The following PIGG variants were observed in gnomAD, a reference collection of about 807,000 sequenced individuals.
The protein encoded by PIGG is phosphatidylinositol glycan anchor biosynthesis class G (EMM blood group), also known as GPI ethanolamine phosphate transferase 2, catalytic subunit.
A neutral mutation model predicts 83.2 loss-of-function variants in PIGG; 70 were observed. That is an observed-to-expected ratio of 0.84 (90% CI 0.69 to 1.03). The LOEUF is 1.03. Ranked by LOEUF, PIGG falls within the 50% of genes least tolerant of loss-of-function variation. The pLI, the probability that PIGG is intolerant of heterozygous loss-of-function variation, is 0.00. For synonymous variants in PIGG, 532 were observed against 519.5 expected (o/e 1.02, Z -0.33); for missense variants, 1,257 against 1,233.6 (o/e 1.02, Z -0.28).
At chr4:519,931 C>T (rs113977137) in intron 6 of PIGG, among the ~76,000 whole-genome samples, 1 of 141,460 alleles carries the variant, frequency 7.1e-6, no homozygotes. Context: ...GGCCTGCAGG[C>T]GTGTGGGTTC....
At position 515,546 on chromosome 4, in the gene PIGG, G is replaced by A. The variant is rs1029271501; in HGVS notation, c.902-427G>A. On this transcript the variant is annotated intron_variant, in intron 5 of 12. Coordinates refer to ENST00000453061, the MANE Select transcript of PIGG (RefSeq NM_001127178.3). The surrounding 1 kb of genome is among the most constrained non-coding windows in gnomAD (Gnocchi z 4.2). ...TCCATGAGCAACAGCATGTGTGCTCGTAGAGGGCAGAGCATGGGATGCTCC... is the reference window on the plus strand; with the variant it reads ...TCCATGAGCAACAGCATGTGTGCTCATAGAGGGCAGAGCATGGGATGCTCC... 6.6e-6 allele frequency among the ~76,000 whole-genome samples: 1 copy of A among 152,234 alleles called. No individual in the cohort carries two copies. The highest frequency in any genetic ancestry group is 2.4e-5 in the African/African-American group (1 of 41,452).
At chr4:504,770 A>G (rs1201909038) in intron 2 of PIGG, among the ~76,000 whole-genome samples, 1 of 152,136 alleles carries the variant, frequency 6.6e-6, no homozygotes, top group Non-Finnish European at 1.5e-5. Flanking sequence ...ACCCATTACC[A>G]TGGCCTCTTA....
chr4:530,454 TTTTG>T lies in PIGG; in HGVS notation c.2284_2287del (p.Val762MetfsTer30), dbSNP rs1553897486. 6.2e-7 allele frequency: 1 copy of T among 1,612,162 alleles called. No individual in the cohort carries two copies. The highest frequency in any genetic ancestry group is 8.5e-7 in the Non-Finnish European group (1 of 1,178,468). ...TTTTTAGGGGTATTATTGAAGCTCG[TTTTG>T]TTTATGTCTTTGTCCTTGGCATTCT... On this transcript the variant is annotated frameshift_variant, in exon 11 of 13. Coordinates refer to ENST00000453061, the MANE Select transcript of PIGG (RefSeq NM_001127178.3). LOFTEE classifies it high-confidence loss of function.
Position 533,874 on chromosome 4 carries a change from C to T in PIGG, c.2628C>T (p.Asp876=), listed in dbSNP as rs750272099. 3.9e-5 allele frequency: 63 copies of T among 1,614,036 alleles called. 2 individuals carry two copies. The South Asian group carries it at 6.6e-4, about 17-fold the overall frequency. The change falls in exon 12 of 13, where the codon GAC becomes GAT. Residue 876 remains aspartate (D), a synonymous_variant. Coordinates refer to ENST00000453061, the MANE Select transcript of PIGG (RefSeq NM_001127178.3). ...VDISAGFVGL[D]TYVEIPAVLL... is the part of the protein sequence containing the mutation. ...TCTCCGCAGGCTTCGTGGGCTTAGA[C>T]ACCTACGTGGAAATCCCAGCCGTGC... is the stretch of plus-strand genomic sequence containing the variant.
intron 6 of PIGG, among the ~76,000 whole-genome samples, chr4:519,253 C>G (rs1041224749): frequency 2.6e-5 from 4 of 152,206 alleles, no homozygotes; most frequent in Non-Finnish European, 5.9e-5. Context: ...GATCCAAGCC[C>G]CAGCAGGCAA....
At chr4:507,647 C>A in intron 4 of PIGG, 54 bp downstream of exon 4, 1 of 1,460,154 alleles carries the variant, frequency 6.8e-7, no homozygotes, top group Non-Finnish European at 9.3e-7. Context: ...TGGATGTTCC[C>A]TAGAATAAAT....
chr4:521,237 C>G lies in PIGG; in HGVS notation c.1296C>G (p.Ile432Met), dbSNP rs372138818. ...SLSAQVAQYD[I>M]YSMMVGTVVV... ...GTGCACAAGTGGCCCAGTACGACAT[C>G]TATTCGATGATGGTGGGGACTGTCG... is the stretch of plus-strand genomic sequence containing the variant. The change falls in exon 7 of 13, where the codon ATC (isoleucine) becomes ATG (methionine). Residue 432 changes from isoleucine (I) to methionine (M), a missense_variant. By Grantham distance (10) the Ile-to-Met change is conservative. Transcript: ENST00000453061. The G allele has an allele frequency of 1.2e-6, 2 of 1,614,058 alleles. No homozygotes were observed. Among genetic ancestry groups the G allele is most frequent in the Non-Finnish European group, 1.7e-6 (2 of 1,179,916 alleles).
chr4:507,559 T>C lies in PIGG; in HGVS notation c.725T>C (p.Val242Ala). 6.2e-7 allele frequency: 1 copy of C among 1,613,786 alleles called. No individual in the cohort carries two copies. The highest frequency in any genetic ancestry group is 8.5e-7 in the Non-Finnish European group (1 of 1,179,916). Residue 242 changes from valine (V) to alanine (A), a missense_variant, in exon 4 of 13, where the codon GTG (valine) becomes GCG (alanine). Coordinates refer to ENST00000453061, the MANE Select transcript of PIGG (RefSeq NM_001127178.3). ...CAGAAGCTGAGCGAGATGGACAGCG[T>C]GCTGATGAAGATCCACACCTCACTG... ...IGQKLSEMDS[V>A]LMKIHTSLQS...
intron 3 of PIGG, 57 bp from the exon 4 acceptor site, chr4:507,348 G>A (rs1298568243): frequency 5.9e-6 from 8 of 1,351,440 alleles, no homozygotes; most frequent in Non-Finnish European, 8.3e-6. Context: ...TTTCCCCGGG[G>A]AGTGAAGATC....
At chr4:522,041 C>T in intron 8 of PIGG, 100 bp downstream of exon 8, 10 of 1,318,220 alleles carry the variant, frequency 7.6e-6, no homozygotes, top group Non-Finnish European at 9.7e-6. Context: ...TGGTTGAACA[C>T]CTGGTGTGTG....
chr4:527,706 GC>G (rs1452269280), intron 10 of PIGG: 7 of 985,322 alleles, frequency 7.1e-6, no homozygotes, highest in Non-Finnish European at 7.2e-6. Context: ...TTTATAACGA[GC>G]CCCCGTAAGG....
rs781786642 is a variant in PIGG, at chr4:512,216, C to CTT, written c.901+3266_901+3267dup. On this transcript the variant is annotated intron_variant, in intron 5 of 12. Coordinates refer to ENST00000453061, the MANE Select transcript of PIGG (RefSeq NM_001127178.3). ...TGAATTTTCTGTTTCAGTTATCATA[C>CTT]TTTTTTTTTTTTTTTTTTTTTGAGA... Among the ~76,000 whole-genome samples the CTT allele has an allele frequency of 7.0e-4, 80 of 114,276 alleles. 1 individual carries two copies. Among genetic ancestry groups the CTT allele is most frequent in the Non-Finnish European group, 9.5e-4 (55 of 58,038 alleles). The allele number at this position is 114,276 out of a possible 152,430, so 75.0% of individuals were successfully genotyped here. A position where few individuals can be genotyped will look rare whatever the true frequency, so the allele number is the denominator to read the frequency against.
At position 527,149 on chromosome 4, in the gene PIGG, G is replaced by A. The variant is rs201842856; in HGVS notation, c.2180G>A (p.Gly727Glu). 1.1e-4 allele frequency: 175 copies of A among 1,613,936 alleles called. 1 individual carries two copies. The highest frequency in any genetic ancestry group is 1.4e-4 in the Non-Finnish European group (166 of 1,180,004). Residue 727 changes from glycine to glutamate, a missense_variant, in exon 10 of 13, where the codon GGG (glycine) becomes GAG (glutamate). Coordinates refer to ENST00000453061, the MANE Select transcript of PIGG (RefSeq NM_001127178.3). Reference protein sequence around the residue: ...SPVSKAALALGLLGVYCYRAA... With the variant: ...SPVSKAALALELLGVYCYRAA... The stretch of plus-strand genomic sequence containing the variant: ...GTGTCCAAGGCTGCCCTGGCGCTGG[G>A]GCTGCTGGGCGTCTACTGCTACCGG...
rs1180178591 is a variant in PIGG at position 528,725 on chromosome 4, A to G, written c.2261+1495A>G. On this transcript the variant is annotated intron_variant, in intron 10 of 12. Coordinates refer to ENST00000453061, the MANE Select transcript of PIGG (RefSeq NM_001127178.3). The surrounding 1 kb of genome is among the most constrained non-coding windows in gnomAD (Gnocchi z 4.8). ...AATAAATTCATTTCCTCACAGATCT[A>G]TACACTGAATTTCAGCATCACTCAT... is the stretch of plus-strand genomic sequence containing the variant. The G allele has an allele frequency of 1.0e-6, 1 of 985,238 alleles. No homozygotes were observed. Among genetic ancestry groups the G allele is most frequent in the Non-Finnish European group, 1.2e-6 (1 of 829,818 alleles). 61.0% of individuals were successfully genotyped at this position (985,238 alleles called of 1,614,324 possible).
At chr4:511,551 C>A (rs1721971215) in intron 5 of PIGG, among the ~76,000 whole-genome samples, 1 of 152,110 alleles carries the variant, frequency 6.6e-6, no homozygotes, top group South Asian at 2.1e-4. Context: ...CTGTTATTGT[C>A]AAATATGTTG....
Position 538,674 on chromosome 4 carries a change from ACT to A in PIGG, c.2736-477_2736-476del, listed in dbSNP as rs58299889. Reference sequence around the variant, plus strand: ...TCGGGCACCTCCGTGCCTTCTGGAGACTCAGACCTCTGCCCACCCCAGACCAA... The same window carrying A: ...TCGGGCACCTCCGTGCCTTCTGGAGACAGACCTCTGCCCACCCCAGACCAA... On this transcript the variant is annotated intron_variant, in intron 12 of 12. Coordinates refer to ENST00000453061, the MANE Select transcript of PIGG (RefSeq NM_001127178.3). Among the ~76,000 whole-genome samples the A allele has an allele frequency of 9.1e-3, 1,380 of 152,136 alleles. 25 individuals are homozygous for A. The highest frequency in any genetic ancestry group is 0.032 in the African/African-American group (1,315 of 41,478).
intron 5 of PIGG, among the ~76,000 whole-genome samples, chr4:511,344 A>G (rs1384166533): frequency 1.3e-5 from 2 of 151,868 alleles, no homozygotes; most frequent in Non-Finnish European, 2.9e-5. Flanking sequence ...TTGTTATTAA[A>G]TAGTCTTCCA....
At chr4:509,072 T>C in intron 5 of PIGG, 102 bp downstream of exon 5, 1 of 933,230 alleles carries the variant, frequency 1.1e-6, no homozygotes, top group Non-Finnish European at 1.6e-6. Flanking sequence ...TCCATAAGGT[T>C]GAAGTCCCCA....
Position 521,186 on chromosome 4 carries a change from T to G in PIGG, c.1245T>G (p.Ala415=), listed in dbSNP as rs1310185174. ...AGGTTCTCAGGCAGTACCTGGATGCTCTGAAGACGCTGAGCTTGTCCCTGA... is the reference window on the plus strand; with the variant it reads ...AGGTTCTCAGGCAGTACCTGGATGCGCTGAAGACGCTGAGCTTGTCCCTGA... ...GSKVLRQYLD[A]LKTLSLSLSA... is the part of the protein sequence containing the mutation. The change falls in exon 7 of 13, where the codon GCT becomes GCG. Residue 415 remains alanine, a synonymous_variant. Coordinates refer to ENST00000453061, the MANE Select transcript of PIGG (RefSeq NM_001127178.3). 6.2e-7 allele frequency: 1 copy of G among 1,614,022 alleles called. No individual in the cohort carries two copies. Among genetic ancestry groups the G allele is most frequent in the African/African-American group, 1.3e-5 (1 of 74,912 alleles).
Sources: gnomAD v4.1 joint callset for allele counts (sites outside exome capture counted in the v4.1 genomes callset) on GRCh38, gnomAD v4.1.1 for gene constraint, Gnocchi (gnomAD v3.1) non-coding constraint, MANE v1.5 for transcripts, NCBI Gene and HGNC (gene_info 2026-07-23, HGNC 2026-07-21) for gene names.